ATXN7L1: variants seen among roughly 807,000 people sequenced by gnomAD.
ATXN7L1 encodes the protein ataxin 7 like 1.
Under a neutral mutation model 70.8 loss-of-function variants are expected in ATXN7L1, and 15 were observed. The observed-to-expected ratio is 0.21, with a 90% CI of 0.14 to 0.33. ATXN7L1 has a LOEUF of 0.33. Among genes scored for constraint, ATXN7L1 ranks in the 10% least tolerant of loss-of-function variants. ATXN7L1 has a pLI of 1.00. For synonymous variants in ATXN7L1, 440 were observed against 445.1 expected (o/e 0.99, Z 0.14); for missense variants, 975 against 1,097.1 (o/e 0.89, Z 1.57).
Position 105,740,792 on chromosome 7 carries a change from T to C in ATXN7L1, c.355+47812A>G, listed in dbSNP as rs1797934305. Among the ~76,000 whole-genome samples the C allele has an allele frequency of 1.4e-5, 2 of 140,776 alleles. 1 individual carries two copies. The highest frequency in any genetic ancestry group is 3.0e-5 in the Non-Finnish European group (2 of 66,438). 92.4% of individuals were successfully genotyped at this position (140,776 alleles called of 152,430 possible). On this transcript the variant is annotated intron_variant, in intron 3 of 11. Transcript: ENST00000419735. ...TCATTTTTTTTTTTTTTTAATGGAG[T>C]CTCACTCTGTCGCCCAGGCTGGAGT...
rs77824908 is a variant in ATXN7L1 at position 105,703,444 on chromosome 7, G to T, written c.356-38156C>A. On this transcript the variant is annotated intron_variant, in intron 3 of 11. Transcript: ENST00000419735. ...GATTGGGCAACTGGTATTAATCAAA[G>T]TGAGCCACATTCCAAATGTGGCCAG... Among the ~76,000 whole-genome samples the T allele has an allele frequency of 4.7e-3, 719 of 152,296 alleles. 4 individuals carry two copies. The highest frequency in any genetic ancestry group is 0.017 in the African/African-American group (699 of 41,556).
intron 3 of ATXN7L1, among the ~76,000 whole-genome samples, chr7:105,731,158 C>A (rs1220529046): frequency 6.6e-6 from 1 of 152,096 alleles, no homozygotes; most frequent in African/African-American, 2.4e-5. Context: ...TGTAAATGTA[C>A]CTTCAGGCTA....
chr7:105,875,627 A>ACG (rs1554490209), intron 2 of ATXN7L1, among the ~76,000 whole-genome samples, 185 bp downstream of exon 2: 2 of 94,778 alleles, frequency 2.1e-5, no homozygotes, highest in Admixed American at 1.3e-4. Flanking sequence ...ACCCCCCTTT[A>ACG]CCCCCCCCCC....
chr7:105,792,632 G>A (rs187355094), intron 2 of ATXN7L1, among the ~76,000 whole-genome samples: 1 of 152,360 alleles, frequency 6.6e-6, no homozygotes, highest in Non-Finnish European at 1.5e-5. Flanking sequence ...GTGGTGAGCT[G>A]AAGTGGGCTG....
chr7:105,657,702 CAAAAAAAAAAAAA>C (rs71155465), intron 4 of ATXN7L1, among the ~76,000 whole-genome samples: 5 of 26,108 alleles, frequency 1.9e-4, no homozygotes, highest in Non-Finnish European at 2.6e-4. Flanking sequence ...GACCCTGTCT[CAAAAAAAAAAAAA>C]AAAAAAAAAA....
At chr7:105,780,688 G>A (rs563676644) in intron 3 of ATXN7L1, among the ~76,000 whole-genome samples, 4 of 152,262 alleles carry the variant, frequency 2.6e-5, no homozygotes, top group African/African-American at 9.6e-5. Context: ...CTGTGTACAT[G>A]AAGGTGTTAT....
chr7:105,642,689 A>G, intron 5 of ATXN7L1, 149 bp downstream of exon 5: 1 of 998,474 alleles, frequency 1.0e-6, no homozygotes. Context: ...TTGCATTTTT[A>G]GGTGGGGTTC....
At chr7:105,651,313 C>T (rs566812615) in intron 4 of ATXN7L1, among the ~76,000 whole-genome samples, 1 of 152,282 alleles carries the variant, frequency 6.6e-6, no homozygotes, top group African/African-American at 2.4e-5. Flanking sequence ...GTAGTAGATA[C>T]CAAGTGCTTA....
chr7:105,830,971 C>T (rs1238422996), intron 2 of ATXN7L1, among the ~76,000 whole-genome samples: 2 of 152,244 alleles, frequency 1.3e-5, no homozygotes, highest in Non-Finnish European at 2.9e-5. Context: ...GCCTGGGATA[C>T]CTTGGAAGTA....
chr7:105,835,906 T>G (rs1812306050), intron 2 of ATXN7L1, among the ~76,000 whole-genome samples: 1 of 152,060 alleles, frequency 6.6e-6, no homozygotes, highest in Admixed American at 6.5e-5. Context: ...TCTCTTTTTT[T>G]CAAGAGGAAG....
intron 3 of ATXN7L1, among the ~76,000 whole-genome samples, chr7:105,744,780 C>T (rs1431016275): frequency 6.7e-6 from 1 of 149,818 alleles, no homozygotes; most frequent in South Asian, 2.1e-4. Context: ...CTCTGTCACC[C>T]AAGCTGGAGT....
At chr7:105,820,569 G>T (rs529099210) in intron 2 of ATXN7L1, among the ~76,000 whole-genome samples, 2 of 152,266 alleles carry the variant, frequency 1.3e-5, no homozygotes, top group East Asian at 3.9e-4. Context: ...TTTCTTACTT[G>T]CACTCCAGTT....
intron 3 of ATXN7L1, among the ~76,000 whole-genome samples, chr7:105,692,431 TCCCTCCCTCCCTC>T (rs1791111448): frequency 3.7e-5 from 4 of 107,212 alleles, no homozygotes; most frequent in East Asian, 3.4e-4. Context: ...CCTTCCTCCC[TCCCTCCCTCCCTC>T]CCTTCCTTCC....
At chr7:105,725,833 G>C (rs1795744168) in intron 3 of ATXN7L1, among the ~76,000 whole-genome samples, 1 of 151,880 alleles carries the variant, frequency 6.6e-6, no homozygotes, top group East Asian at 1.9e-4. Context: ...CGCCCGCCTT[G>C]GCTTTCCATA....
At chr7:105,762,798 C>T (rs1033548190) in intron 3 of ATXN7L1, among the ~76,000 whole-genome samples, 3 of 152,186 alleles carry the variant, frequency 2.0e-5, no homozygotes, top group South Asian at 4.1e-4. Context: ...GATGTGACAG[C>T]GTGTCCTTTC....
intron 2 of ATXN7L1, among the ~76,000 whole-genome samples, chr7:105,822,262 C>T (rs10245474): frequency 6.6e-6 from 1 of 152,040 alleles, no homozygotes; most frequent in South Asian, 2.1e-4. Context: ...CACAGCAAGA[C>T]CCTGTCTCCA....
intron 3 of ATXN7L1, among the ~76,000 whole-genome samples, chr7:105,676,568 A>G: frequency 6.6e-6 from 1 of 152,130 alleles, no homozygotes; most frequent in Non-Finnish European, 1.5e-5. Flanking sequence ...GGCTGGGCAT[A>G]GTGGCTCACA....
At chr7:105,850,674 G>A (rs1230699808) in intron 2 of ATXN7L1, among the ~76,000 whole-genome samples, 1 of 152,198 alleles carries the variant, frequency 6.6e-6, no homozygotes, top group African/African-American at 2.4e-5. Context: ...GCAAGACACT[G>A]TGGTGTCTCC....
intron 2 of ATXN7L1, among the ~76,000 whole-genome samples, chr7:105,845,847 C>T (rs1035270777): frequency 2.0e-5 from 3 of 152,126 alleles, no homozygotes; most frequent in Non-Finnish European, 4.4e-5. Context: ...TGGATAGCCA[C>T]ATGAAAAAGA....
Sources: gnomAD v4.1 joint callset for allele counts (sites outside exome capture counted in the v4.1 genomes callset) on GRCh38, gnomAD v4.1.1 for gene constraint, MANE v1.5 for transcripts, NCBI Gene and HGNC (gene_info 2026-07-23, HGNC 2026-07-21) for gene names.